Variants in WDR76 observed in about 807,000 individuals in gnomAD.
The protein encoded by WDR76 is WD repeat domain 76.
A neutral mutation model predicts 70.2 loss-of-function variants in WDR76; 52 were observed. The ratio of observed to expected loss-of-function variants is 0.74; its 90% CI spans 0.59 to 0.93. The LOEUF is 0.93. Ranked by LOEUF, WDR76 falls within the 40% of genes least tolerant of loss-of-function variation. The pLI is 0.00. For synonymous variants in WDR76, 292 were observed against 271.1 expected (o/e 1.08, Z -0.76); for missense variants, 756 against 760.2 (o/e 0.99, Z 0.07).
At chr15:43,832,742 T>G (rs925446379) in intron 2 of WDR76, among the ~76,000 whole-genome samples, 1 of 130,760 alleles carries the variant, frequency 7.6e-6, no homozygotes, top group African/African-American at 2.8e-5. Flanking sequence ...CGGCTTGCTT[T>G]GTTTTTTTTT....
intron 11 of WDR76, among the ~76,000 whole-genome samples, chr15:43,859,242 A>T (rs1224626378): frequency 6.6e-6 from 1 of 152,192 alleles, no homozygotes; most frequent in African/African-American, 2.4e-5. Context: ...CTGGGATTCT[A>T]TACAAACTAT....
chr15:43,850,320 G>T (rs1418763970), intron 8 of WDR76, among the ~76,000 whole-genome samples: 1 of 147,494 alleles, frequency 6.8e-6, no homozygotes, highest in Non-Finnish European at 1.5e-5. Context: ...TTTTGAGACG[G>T]AGTCTTGCTC....
chr15:43,856,934 T>G lies in WDR76; in HGVS notation c.1192-12T>G. 6.2e-7 allele frequency: 1 copy of G among 1,608,154 alleles called. No homozygotes were observed. Among genetic ancestry groups the G allele is most frequent in the Non-Finnish European group, 8.5e-7 (1 of 1,176,852 alleles). On this transcript the variant is annotated splice_polypyrimidine_tract_variant and intron_variant, in intron 9 of 12. Coordinates refer to ENST00000263795, the MANE Select transcript of WDR76 (RefSeq NM_024908.4). ...GAGTGTGATATAAGCTGATTGTTACTTATATTCTTAGGTGTATAGAAATGA... is the reference window on the plus strand; with the variant it reads ...GAGTGTGATATAAGCTGATTGTTACGTATATTCTTAGGTGTATAGAAATGA...
At chr15:43,839,966 T>C (rs2087704608) in intron 5 of WDR76, among the ~76,000 whole-genome samples, 1 of 152,152 alleles carries the variant, frequency 6.6e-6, no homozygotes, top group African/African-American at 2.4e-5. Context: ...CAAGCGATTC[T>C]CCTGCCTCAG....
At chr15:43,843,583 A>C (rs2087752026) in intron 7 of WDR76, among the ~76,000 whole-genome samples, 1 of 152,158 alleles carries the variant, frequency 6.6e-6, no homozygotes, top group Non-Finnish European at 1.5e-5. Flanking sequence ...TATGGCTTTT[A>C]GTACACATTG....
intron 8 of WDR76, among the ~76,000 whole-genome samples, chr15:43,845,750 A>G (rs2087780445): frequency 6.6e-6 from 1 of 150,560 alleles, no homozygotes; most frequent in South Asian, 2.1e-4. Context: ...TCTGCATGAA[A>G]TACTGTCTGT....
chr15:43,853,804 G>A (rs779528898), intron 9 of WDR76, among the ~76,000 whole-genome samples: 3 of 151,564 alleles, frequency 2.0e-5, no homozygotes, highest in Non-Finnish European at 2.9e-5. Context: ...TACTGGGGAC[G>A]CTGAGGCAGG....
intron 9 of WDR76, among the ~76,000 whole-genome samples, chr15:43,854,675 G>C (rs150868990): frequency 6.6e-6 from 1 of 151,886 alleles, no homozygotes; most frequent in Non-Finnish European, 1.5e-5. Flanking sequence ...AGAGCTGGGC[G>C]CAGTGGCTCA....
intron 11 of WDR76, among the ~76,000 whole-genome samples, chr15:43,860,356 G>A (rs2087980533): frequency 6.6e-6 from 1 of 152,190 alleles, no homozygotes. Flanking sequence ...TTGATACACA[G>A]ATGTACTTTT....
intron 9 of WDR76, among the ~76,000 whole-genome samples, chr15:43,854,321 G>T (rs546344367): frequency 6.6e-6 from 1 of 152,304 alleles, no homozygotes; most frequent in South Asian, 2.1e-4. Flanking sequence ...TGTAATCTCA[G>T]CACTGACAGA....
At chr15:43,850,212 AG>A (rs542622799) in intron 8 of WDR76, among the ~76,000 whole-genome samples, 77 of 152,226 alleles carry the variant, frequency 5.1e-4, no homozygotes, top group African/African-American at 1.7e-3. Flanking sequence ...GATAGTCCTT[AG>A]GAGTAGGTAT....
chr15:43,862,174 C>T (rs1007877134), intron 12 of WDR76, among the ~76,000 whole-genome samples: 5 of 151,342 alleles, frequency 3.3e-5, no homozygotes, highest in African/African-American at 1.2e-4. Flanking sequence ...TACTCAATGC[C>T]TTCTCCTTGA....
At chr15:43,851,004 C>G (rs909287059) in intron 8 of WDR76, 83 bp from the exon 9 acceptor site, 3 of 1,515,898 alleles carry the variant, frequency 2.0e-6, no homozygotes, top group Admixed American at 1.9e-5. Flanking sequence ...AGTGTAAATT[C>G]TTTAATGACA....
intron 1 of WDR76, among the ~76,000 whole-genome samples, chr15:43,827,622 G>A (rs1218821251): frequency 6.6e-6 from 1 of 152,056 alleles, no homozygotes; most frequent in Non-Finnish European, 1.5e-5. Context: ...TCGGCTCACT[G>A]CAACCTCCGT....
chr15:43,850,491 T>C lies in WDR76; in HGVS notation c.1033-596T>C, dbSNP rs2050857489. Among the ~76,000 whole-genome samples the C allele has an allele frequency of 2.0e-5, 3 of 151,874 alleles. No individual in the cohort carries two copies. In the South Asian group the frequency reaches 6.2e-4, roughly 31 times the overall value. ...TTTGTATTTTTAGTAGAGATGGGGTTTCACCATGTTAGCCAGGATGGTCTC... is the reference window on the plus strand; with the variant it reads ...TTTGTATTTTTAGTAGAGATGGGGTCTCACCATGTTAGCCAGGATGGTCTC... On this transcript the variant is annotated intron_variant, in intron 8 of 12. Transcript: ENST00000263795.
At position 43,828,187 on chromosome 15, in the gene WDR76, C is replaced by A; in HGVS notation, c.283C>A (p.Pro95Thr). 6.2e-7 allele frequency: 1 copy of A among 1,614,140 alleles called. No individual in the cohort carries two copies. The stretch of plus-strand genomic sequence containing the variant: ...AAAGAAAACTTGCAGAAGGATTATA[C>A]CTCCAAAGATGAAAAACACATCTTC... ...KIKKTCRRII[P>T]PKMKNTSSKA... The change falls in exon 2 of 13, where the codon CCT becomes ACT. Residue 95 changes from proline (P) to threonine (T), a missense_variant. Physicochemically the swap from Pro to Thr is conservative, Grantham distance 38 (BLOSUM62 -1). Transcript: ENST00000263795.
chr15:43,847,819 A>G (rs1040127430), intron 8 of WDR76, among the ~76,000 whole-genome samples: 9 of 152,124 alleles, frequency 5.9e-5, no homozygotes, highest in African/African-American at 2.2e-4. Flanking sequence ...TCGGCCTCCC[A>G]GAGCTGCGAT....
At chr15:43,856,584 T>TTTTTG (rs773342458) in intron 9 of WDR76, among the ~76,000 whole-genome samples, 3 of 150,254 alleles carry the variant, frequency 2.0e-5, no homozygotes, top group East Asian at 1.9e-4. Flanking sequence ...CTTTGTTTCT[T>TTTTTG]TTTTGTTTTG....
chr15:43,851,307 C>T, intron 9 of WDR76, 62 bp downstream of exon 9: 1 of 1,580,948 alleles, frequency 6.3e-7, no homozygotes, highest in South Asian at 1.2e-5. Context: ...CGAAATGCCA[C>T]ATGAATAATT....
Sources: gnomAD v4.1 joint callset for allele counts (sites outside exome capture counted in the v4.1 genomes callset) on GRCh38, gnomAD v4.1.1 for gene constraint, MANE v1.5 for transcripts, NCBI Gene and HGNC (gene_info 2026-07-23, HGNC 2026-07-21) for gene names.